Variants in RFX3 observed in about 807,000 individuals in gnomAD.
The protein encoded by RFX3 is regulatory factor X3.
A neutral mutation model predicts 98.6 loss-of-function variants in RFX3; 14 were observed. The ratio of observed to expected loss-of-function variants is 0.14; its 90% confidence interval spans 0.09 to 0.22. The LOEUF (loss-of-function observed/expected upper bound fraction) is 0.22, where lower values mean the gene tolerates loss of function less well. Among genes scored for constraint, RFX3 ranks in the 10% least tolerant of loss-of-function variants. The pLI is 1.00. For missense variants in RFX3, 639 were observed against 926.9 expected (o/e 0.69, Z 4.03); for synonymous variants, 383 against 328.4 (o/e 1.17, Z -1.80).
Position 3,263,078 on chromosome 9 carries a change from C to T in RFX3, c.1462G>A (p.Ala488Thr), listed in dbSNP as rs1357744033. 4 of 1,613,440 alleles carry T rather than the reference C, an allele frequency of 2.5e-6. No homozygotes were observed. Among genetic ancestry groups the T allele is most frequent in the South Asian group, 2.2e-5 (2 of 91,058 alleles). The change falls in exon 13 of 17, where the codon GCT (alanine) becomes ACT (threonine). Residue 488 changes from alanine to threonine, a missense_variant. This residue lies in a region of RFX3 where 138 missense variants were observed against 308.9 expected (regional missense o/e 0.45). Coordinates refer to ENST00000617270, the MANE Select transcript of RFX3 (RefSeq NM_001282116.2). ...AGAGTCTGGGCAAAGGCACTTACAG[C>T]GGCAACCTGTAACGCAATCCAATTA... ...PQRMIQTKVA[A>T]VSAFAQTLRR...
chr9:3,376,097 T>C (rs1167209978), intron 2 of RFX3, among the ~76,000 whole-genome samples: 1 of 152,208 alleles, frequency 6.6e-6, no homozygotes, highest in Non-Finnish European at 1.5e-5. Flanking sequence ...ATAGTATTAT[T>C]AGTCATCAGA....
intron 2 of RFX3, among the ~76,000 whole-genome samples, chr9:3,382,307 C>A (rs1356573543): frequency 6.6e-6 from 1 of 152,056 alleles, no homozygotes; most frequent in Non-Finnish European, 1.5e-5. Context: ...AAAAGTTGTA[C>A]CTTTGTATTT....
chr9:3,393,921 C>A (rs1310840749), intron 2 of RFX3, among the ~76,000 whole-genome samples: 1 of 152,050 alleles, frequency 6.6e-6, no homozygotes, highest in Non-Finnish European at 1.5e-5. Flanking sequence ...AGCCCAAACC[C>A]CACCATTATG....
chr9:3,485,895 T>A (rs1587834028), intron 1 of RFX3, among the ~76,000 whole-genome samples: 1 of 151,742 alleles, frequency 6.6e-6, no homozygotes, highest in Non-Finnish European at 1.5e-5. Flanking sequence ...GAGGCCGAGG[T>A]GGGCGGATCA....
chr9:3,289,419 C>T (rs1827049002), intron 6 of RFX3, among the ~76,000 whole-genome samples: 1 of 152,052 alleles, frequency 6.6e-6, no homozygotes, highest in Non-Finnish European at 1.5e-5. Flanking sequence ...CTTCTACTTG[C>T]AGAGATTAGA....
At chr9:3,447,926 C>G (rs1303434820) in intron 1 of RFX3, among the ~76,000 whole-genome samples, 1 of 152,068 alleles carries the variant, frequency 6.6e-6, no homozygotes, top group Admixed American at 6.6e-5. Context: ...TCAGGCAAGC[C>G]TAATATACTC....
intron 16 of RFX3, among the ~76,000 whole-genome samples, chr9:3,225,823 G>T (rs1364256369): frequency 1.3e-5 from 2 of 152,112 alleles, no homozygotes; most frequent in Non-Finnish European, 2.9e-5. Context: ...CAATGTCACA[G>T]TATTAAATAA....
At position 3,408,124 on chromosome 9, in the gene RFX3, C is replaced by A. The variant is rs566191294; in HGVS notation, c.-8-12528G>T. On this transcript the variant is annotated intron_variant, in intron 1 of 16. Transcript: ENST00000617270. The stretch of plus-strand genomic sequence containing the variant: ...CACCAATGAGCTTGTTTCAGTGAGC[C>A]TCTGGCACAGGTGCCAGGGGTTGTT... Among the ~76,000 whole-genome samples, 230 of 152,250 alleles carry A rather than the reference C, an allele frequency of 1.5e-3. 1 individual carries two copies. Among genetic ancestry groups the A allele is most frequent in the African/African-American group, 5.4e-3 (223 of 41,554 alleles).
intron 1 of RFX3, chr9:3,488,932 G>A (rs1187908035): frequency 1.0e-6 from 1 of 977,644 alleles, no homozygotes; most frequent in Non-Finnish European, 1.2e-6. Context: ...GAAATAAGGA[G>A]TACCTTGTTC....
Position 3,257,071 on chromosome 9 carries a change from C to T in RFX3, c.1734G>A (p.Met578Ile). 1 of 1,614,006 alleles carries T rather than the reference C, an allele frequency of 6.2e-7. No homozygotes were observed. Among genetic ancestry groups the T allele is most frequent in the Non-Finnish European group, 8.5e-7 (1 of 1,179,986 alleles). The change falls in exon 14 of 17, where the codon ATG becomes ATA. Residue 578 changes from methionine (M) to isoleucine (I), a missense_variant. Physicochemically the swap from Met to Ile is conservative, Grantham distance 10. Around this residue, in one of 9 missense-constraint regions of RFX3, gnomAD observed 138 missense variants for 308.9 expected, o/e 0.45. Transcript: ENST00000617270. ...QWAAWLDNVM[M>I]QALKPYEGRP... ...TTCCTTCATAGGGTTTCAGTGCTTG[C>T]ATCATCACATTGTCAAGCCACGCAG...
intron 2 of RFX3, among the ~76,000 whole-genome samples, chr9:3,364,151 G>C (rs947958767): frequency 6.6e-6 from 1 of 152,192 alleles, no homozygotes; most frequent in African/African-American, 2.4e-5. Flanking sequence ...TGGGATTACA[G>C]GCATGAACCA....
intron 8 of RFX3, among the ~76,000 whole-genome samples, chr9:3,276,334 T>A (rs1322103812): frequency 1.3e-5 from 2 of 152,118 alleles, no homozygotes; most frequent in Non-Finnish European, 2.9e-5. Context: ...ACATAGTAAG[T>A]CTCTCTGTGT....
At chr9:3,285,433 T>C (rs1231801146) in intron 7 of RFX3, among the ~76,000 whole-genome samples, 1 of 151,790 alleles carries the variant, frequency 6.6e-6, no homozygotes, top group Non-Finnish European at 1.5e-5. Context: ...ACAAATATTC[T>C]TAAATTAGTT....
chr9:3,403,140 C>G (rs1460307836), intron 1 of RFX3, among the ~76,000 whole-genome samples: 1 of 151,970 alleles, frequency 6.6e-6, no homozygotes, highest in Non-Finnish European at 1.5e-5. Flanking sequence ...GCTTCACCTA[C>G]GAATATAAAA....
At chr9:3,413,735 A>C (rs1385363910) in intron 1 of RFX3, among the ~76,000 whole-genome samples, 1 of 152,092 alleles carries the variant, frequency 6.6e-6, no homozygotes, top group Non-Finnish European at 1.5e-5. Context: ...AGCAAATATA[A>C]GCTAAGTTCT....
chr9:3,360,216 A>G lies in RFX3; in HGVS notation c.118-13452T>C, dbSNP rs568662693. Among the ~76,000 whole-genome samples, 18 of 152,246 alleles carry G rather than the reference A, an allele frequency of 1.2e-4. 1 individual carries two copies. The South Asian group carries it at 2.1e-3, about 18-fold the overall frequency. ...AATTTCATTGCCTTTCCCAAAATAAATTCCCAGAAATATTTCCAAAGAGAA... is the reference window on the plus strand; with the variant it reads ...AATTTCATTGCCTTTCCCAAAATAAGTTCCCAGAAATATTTCCAAAGAGAA... On this transcript the variant is annotated intron_variant, in intron 2 of 16. Transcript: ENST00000617270.
At chr9:3,510,280 C>T (rs1325725428) in intron 1 of RFX3, among the ~76,000 whole-genome samples, 1 of 151,814 alleles carries the variant, frequency 6.6e-6, no homozygotes, top group Non-Finnish European at 1.5e-5. Flanking sequence ...AGTTTAGCTG[C>T]TATGCAAACA....
intron 1 of RFX3, among the ~76,000 whole-genome samples, chr9:3,415,022 TTATA>T (rs1415241065): frequency 2.2e-5 from 3 of 135,528 alleles, no homozygotes; most frequent in Non-Finnish European, 4.7e-5. Context: ...ATATATATAC[TTATA>T]TATTTACTTT....
intron 1 of RFX3, among the ~76,000 whole-genome samples, chr9:3,455,094 C>T (rs997494464): frequency 5.9e-5 from 9 of 152,170 alleles, no homozygotes; most frequent in Non-Finnish European, 1.2e-4. Context: ...TTCCCCACAC[C>T]GTAGCCAGAA....
Sources: gnomAD v4.1 joint callset for allele counts (sites outside exome capture counted in the v4.1 genomes callset) on GRCh38, gnomAD v4.1.1 for gene constraint, gnomAD v4.1.1 regional missense constraint, MANE v1.5 for transcripts, NCBI Gene and HGNC (gene_info 2026-07-23, HGNC 2026-07-21) for gene names.